The following WDR17 variants were observed in gnomAD, a reference collection of about 807,000 sequenced individuals.
WDR17 encodes WD repeat-containing protein 17.
WDR17 carries 143 observed loss-of-function variants against 161.7 expected under a neutral mutation model. That is an observed-to-expected ratio of 0.88 (90% CI 0.77 to 1.02). The LOEUF is 1.02. Ranked by LOEUF, WDR17 falls within the 50% of genes least tolerant of loss-of-function variation. The pLI is 0.00. For synonymous variants in WDR17, 517 were observed against 515.6 expected (o/e 1.00, Z -0.04); for missense variants, 1,469 against 1,520.9 (o/e 0.97, Z 0.57).
At chr4:176,159,024 A>C (rs534518285) in intron 18 of WDR17, among the ~76,000 whole-genome samples, 190 of 152,314 alleles carry the variant, frequency 1.2e-3, no homozygotes, top group Middle Eastern at 3.4e-3. Flanking sequence ...GACTCTATGA[A>C]ATTGGAGACT....
chr4:176,109,331 A>G (rs1739320423), intron 1 of WDR17, among the ~76,000 whole-genome samples: 1 of 152,170 alleles, frequency 6.6e-6, no homozygotes, highest in African/African-American at 2.4e-5. Flanking sequence ...TGTAAAAAAA[A>G]AAAGAAGTGT....
Position 176,125,257 on chromosome 4 carries a change from C to A in WDR17, c.692C>A (p.Ser231Ter). ...HYGIRLVDSE[S>*]LSCITTFNLP... Reference sequence around the variant, plus strand: ...GGAATTCGCCTGGTAGATTCTGAATCACTTTCTTGCATAACAACATTTAAT... The same window carrying A: ...GGAATTCGCCTGGTAGATTCTGAATAACTTTCTTGCATAACAACATTTAAT... The change falls in exon 5 of 29, where the codon TCA becomes TAA. Residue 231 changes from serine (S) to a stop codon, truncating the protein, a stop_gained. Transcript: ENST00000508596. LOFTEE classifies it high-confidence loss of function. The A allele has an allele frequency of 6.2e-7, 1 of 1,614,110 alleles. No homozygotes were observed. Among genetic ancestry groups the A allele is most frequent in the South Asian group, 1.1e-5 (1 of 91,070 alleles).
At chr4:176,149,490 A>T (rs1216693166) in intron 13 of WDR17, among the ~76,000 whole-genome samples, 1 of 152,070 alleles carries the variant, frequency 6.6e-6, no homozygotes, top group Non-Finnish European at 1.5e-5. Context: ...GGCCGATCTC[A>T]AACTCCTGGG....
At chr4:176,123,682 C>T (rs570071548) in intron 4 of WDR17, among the ~76,000 whole-genome samples, 4 of 152,192 alleles carry the variant, frequency 2.6e-5, no homozygotes, top group African/African-American at 7.2e-5. Context: ...CCAGGCATGC[C>T]GCCCTCCAGG....
At position 176,112,842 on chromosome 4, in the gene WDR17, C is replaced by G. The variant is rs115550598; in HGVS notation, c.123+1139C>G. ...ATGAATGAATTAAGGAAAGAATCTT[C>G]AAACTCCAACTTATTTTAGTTAAGA... is the stretch of plus-strand genomic sequence containing the variant. On this transcript the variant is annotated intron_variant, in intron 2 of 28. Transcript: ENST00000508596. Among the ~76,000 whole-genome samples the G allele has an allele frequency of 5.8e-3, 881 of 152,204 alleles. 9 individuals carry two copies. Among genetic ancestry groups the G allele is most frequent in the African/African-American group, 0.02 (824 of 41,546 alleles).
intron 4 of WDR17, among the ~76,000 whole-genome samples, chr4:176,123,722 T>C (rs1400849492): frequency 6.6e-6 from 1 of 152,208 alleles, no homozygotes; most frequent in African/African-American, 2.4e-5. Context: ...CTCTGGAAAC[T>C]CCCAAATTCT....
intron 2 of WDR17, among the ~76,000 whole-genome samples, chr4:176,112,968 TAATGTATA>T (rs1268373966): frequency 2.6e-5 from 4 of 152,146 alleles, no homozygotes; most frequent in African/African-American, 9.6e-5. Context: ...AATATAGCAT[TAATGTATA>T]AAACAATCCA....
chr4:176,171,996 A>C (rs1750800963), intron 23 of WDR17, among the ~76,000 whole-genome samples: 1 of 152,144 alleles, frequency 6.6e-6, no homozygotes, highest in Non-Finnish European at 1.5e-5. Flanking sequence ...TGTTTGGTGC[A>C]TTTAATGTCG....
At chr4:176,071,902 G>A (rs751278874) in intron 1 of WDR17, among the ~76,000 whole-genome samples, 14 of 152,008 alleles carry the variant, frequency 9.2e-5, no homozygotes, top group Non-Finnish European at 1.8e-4. Context: ...TCTTTGAATC[G>A]GTGTCTTGCT....
intron 1 of WDR17, among the ~76,000 whole-genome samples, chr4:176,107,627 C>T (rs920121470): frequency 6.6e-6 from 1 of 151,730 alleles, no homozygotes; most frequent in Admixed American, 6.6e-5. Flanking sequence ...CTGACATACA[C>T]TACAACATGG....
intron 10 of WDR17, among the ~76,000 whole-genome samples, chr4:176,141,337 A>G (rs1467525596): frequency 2.6e-5 from 4 of 152,224 alleles, no homozygotes; most frequent in Admixed American, 6.5e-5. Flanking sequence ...TAAATTTTGA[A>G]CTACCTCATT....
chr4:176,174,274 G>T (rs1232904409), intron 25 of WDR17, among the ~76,000 whole-genome samples: 1 of 152,056 alleles, frequency 6.6e-6, no homozygotes, highest in African/African-American at 2.4e-5. Context: ...GTTCTTTACT[G>T]TGAGTCTACA....
At chr4:176,168,165 G>C (rs767176334) in intron 22 of WDR17, among the ~76,000 whole-genome samples, 1 of 151,832 alleles carries the variant, frequency 6.6e-6, no homozygotes. Flanking sequence ...GAAAAAAAAA[G>C]GGAAATAAGA....
rs1055145972 is a variant in WDR17 at position 176,181,295 on chromosome 4, T to G, written c.*1716T>G. ...CATCCTGGCCAACATGGTGAAACCCTGTCTCTACTAAAAATACAAAAATTA... is the reference window on the plus strand; with the variant it reads ...CATCCTGGCCAACATGGTGAAACCCGGTCTCTACTAAAAATACAAAAATTA... On this transcript the variant is annotated 3_prime_UTR_variant, in exon 29 of 29. Transcript: ENST00000508596. The G allele has an allele frequency of 6.5e-6, 1 of 153,790 alleles. No individual in the cohort carries two copies. The highest frequency in any genetic ancestry group is 6.6e-5 in the Admixed American group (1 of 15,254). 9.5% of individuals were successfully genotyped at this position (153,790 alleles called of 1,614,324 possible).
At chr4:176,078,414 A>G (rs988237184) in intron 1 of WDR17, among the ~76,000 whole-genome samples, 6 of 152,102 alleles carry the variant, frequency 3.9e-5, no homozygotes, top group African/African-American at 1.4e-4. Flanking sequence ...AAATGTAATG[A>G]TTGCACAAAG....
chr4:176,182,405 G>GTATATATATATATATATATATATA lies in WDR17; in HGVS notation c.*2828_*2851dup, dbSNP rs34628181. ...AATATATATATGTGCGTGTGTGTGT[G>GTATATATATATATATATATATATA]TATATATATATATATATATATATAT... is the stretch of plus-strand genomic sequence containing the variant. On this transcript the variant is annotated 3_prime_UTR_variant, in exon 29 of 29. Transcript: ENST00000508596. The surrounding 1 kb of genome is among the most constrained non-coding windows in gnomAD (Gnocchi z 4.2). 6.7e-6 allele frequency: 1 copy of GTATATATATATATATATATATATA among 148,698 alleles called. No homozygotes were observed. The highest frequency in any genetic ancestry group is 2.5e-5 in the African/African-American group (1 of 40,504). 9.2% of individuals were successfully genotyped at this position (148,698 alleles called of 1,614,324 possible).
chr4:176,144,130 TC>T (rs33992784), intron 11 of WDR17, among the ~76,000 whole-genome samples: 6,596 of 152,242 alleles, frequency 0.043, 433 homozygotes, highest in African/African-American at 0.14. Flanking sequence ...GGATTCTGTT[TC>T]CCACCTTACA....
intron 26 of WDR17, among the ~76,000 whole-genome samples, chr4:176,175,913 T>A: frequency 6.6e-6 from 1 of 152,000 alleles, no homozygotes. Context: ...GAGAAACAGG[T>A]TTTCTCATTC....
At chr4:176,100,390 A>C (rs1187121070) in intron 1 of WDR17, among the ~76,000 whole-genome samples, 1 of 152,064 alleles carries the variant, frequency 6.6e-6, no homozygotes, top group Non-Finnish European at 1.5e-5. Context: ...CTTTAGAAAA[A>C]TGTCTACTCA....
Sources: allele counts gnomAD v4.1 joint callset (sites outside exome capture counted in the v4.1 genomes callset), GRCh38; gene constraint gnomAD v4.1.1; non-coding constraint Gnocchi (gnomAD v3.1); transcripts MANE v1.5; gene names NCBI Gene and HGNC (gene_info 2026-07-23, HGNC 2026-07-21).